Variants in AVEN observed in about 807,000 individuals in gnomAD.
AVEN encodes apoptosis and caspase activation inhibitor.
AVEN carries 41 observed loss-of-function variants against 38.1 expected under a neutral mutation model. That is an observed-to-expected ratio of 1.08 (90% CI 0.84 to 1.40). AVEN has a LOEUF of 1.40. AVEN is among the 40% of genes most tolerant of loss of function. The probability of loss-of-function intolerance (pLI) is 0.00; values close to 1 mark genes in which losing one functional copy is unlikely to be tolerated. For synonymous variants in AVEN, 206 were observed against 171.8 expected (o/e 1.20, Z -1.56); for missense variants, 605 against 438.8 (o/e 1.38, Z -3.38).
intron 2 of AVEN, among the ~76,000 whole-genome samples, chr15:33,886,315 T>G (rs996011367): frequency 2.6e-5 from 4 of 152,132 alleles, no homozygotes; most frequent in African/African-American, 4.8e-5. Flanking sequence ...GATGGTTTTT[T>G]GTTTTGAGAT....
At chr15:34,061,478 A>G (rs1303895394) in intron 5 of AVEN, among the ~76,000 whole-genome samples, 1 of 152,236 alleles carries the variant, frequency 6.6e-6, no homozygotes, top group Non-Finnish European at 1.5e-5. Flanking sequence ...GCACCCATTT[A>G]AAATAATTAT....
intron 2 of AVEN, among the ~76,000 whole-genome samples, chr15:33,988,774 G>T (rs191066963): frequency 6.6e-6 from 1 of 152,192 alleles, no homozygotes; most frequent in Non-Finnish European, 1.5e-5. Context: ...CTTGATAAAT[G>T]ACCTTGCTCT....
upstream of AVEN, among the ~76,000 whole-genome samples, chr15:34,041,612 A>G (rs1385756702): frequency 6.6e-6 from 1 of 152,220 alleles, no homozygotes; most frequent in Non-Finnish European, 1.5e-5. Flanking sequence ...AGACTCAGTA[A>G]CACTTTTGAA....
chr15:33,919,507 T>G (rs758357886), intron 2 of AVEN, among the ~76,000 whole-genome samples: 16 of 152,144 alleles, frequency 1.1e-4, no homozygotes, highest in Non-Finnish European at 1.8e-4. Flanking sequence ...AATCAGAATC[T>G]ACAAGGGTGA....
downstream of AVEN, chr15:33,865,084 T>C (rs1597150822): frequency 6.7e-7 from 1 of 1,494,496 alleles, no homozygotes; most frequent in African/African-American, 1.4e-5. Flanking sequence ...GGGTTTTAGC[T>C]TTTACTGTGG....
chr15:33,964,525 C>A (rs637055), intron 2 of AVEN, among the ~76,000 whole-genome samples: 122,377 of 152,078 alleles, frequency 0.8, 54,306 homozygotes, highest in Non-Finnish European at 0.97. Context: ...AAAATGCAAT[C>A]GTTTTACCCG....
chr15:33,935,558 T>C (rs187709812), intron 2 of AVEN, among the ~76,000 whole-genome samples: 12 of 152,230 alleles, frequency 7.9e-5, no homozygotes, highest in Admixed American at 7.8e-4. Context: ...ATATATGGCA[T>C]GATCCCACTT....
At chr15:34,056,938 T>C (rs1056684571) in intron 5 of AVEN, among the ~76,000 whole-genome samples, 2 of 151,634 alleles carry the variant, frequency 1.3e-5, no homozygotes, top group Non-Finnish European at 2.9e-5. Context: ...ACTCAGGAGG[T>C]TAAGGTGGGG....
chr15:33,994,948 A>C (rs1896873555), intron 2 of AVEN, among the ~76,000 whole-genome samples: 1 of 152,194 alleles, frequency 6.6e-6, no homozygotes, highest in Non-Finnish European at 1.5e-5. Flanking sequence ...ATAGATCAAA[A>C]ATATTTTTTA....
intron 2 of AVEN, among the ~76,000 whole-genome samples, chr15:33,899,694 T>C (rs549796813): frequency 1.3e-5 from 2 of 152,034 alleles, no homozygotes; most frequent in African/African-American, 4.8e-5. Context: ...TCTCAGTCTC[T>C]TGACCTCGTG....
chr15:33,870,858 C>T, intron 4 of AVEN, 77 bp downstream of exon 4: 3 of 1,018,466 alleles, frequency 2.9e-6, no homozygotes, highest in Non-Finnish European at 4.4e-6. Flanking sequence ...CTGAGACATC[C>T]TGCTGAGGGA....
chr15:34,030,344 T>C (rs921654163), intron 1 of AVEN, among the ~76,000 whole-genome samples: 1 of 151,496 alleles, frequency 6.6e-6, no homozygotes, highest in African/African-American at 2.4e-5. Flanking sequence ...TTTTGGGGGG[T>C]TTTTTGTTTT....
intron 11 of AVEN, chr15:33,860,493 T>C: frequency 1.5e-6 from 1 of 655,650 alleles, no homozygotes; most frequent in Non-Finnish European, 2.5e-6. Context: ...CTTTGATAAT[T>C]CACTTTTTTT....
At chr15:33,873,014 G>T (rs1018193524) in intron 3 of AVEN, among the ~76,000 whole-genome samples, 1 of 150,846 alleles carries the variant, frequency 6.6e-6, no homozygotes, top group Non-Finnish European at 1.5e-5. Context: ...GGATTCCCTT[G>T]AGGATTTTGG....
chr15:33,958,690 C>T (rs1232596787), intron 2 of AVEN, among the ~76,000 whole-genome samples: 1 of 152,090 alleles, frequency 6.6e-6, no homozygotes, highest in East Asian at 1.9e-4. Context: ...TGAAACATGC[C>T]TCTTCTTCAT....
At chr15:33,856,650 T>TTTTGTTTG (rs779920872), downstream of AVEN, 11 of 154,376 alleles carry the variant, frequency 7.1e-5, no homozygotes, top group African/African-American at 2.7e-4. Flanking sequence ...CCTTTGGGTT[T>TTTTGTTTG]TTTGTTTGTT....
At chr15:33,864,425 G>A (rs1250236664), downstream of AVEN, among the ~76,000 whole-genome samples, 1 of 151,190 alleles carries the variant, frequency 6.6e-6, no homozygotes. Flanking sequence ...AGAGCTGGAG[G>A]TGGGGAGAAC....
exon 5 of AVEN, chr15:34,062,930 C>A: frequency 6.2e-7 from 1 of 1,614,196 alleles, no homozygotes; most frequent in Non-Finnish European, 8.5e-7. Flanking sequence ...ACCTGCTCAG[C>A]TTAGCCTGTG....
chr15:34,052,449 C>T (rs1031032459), intron 5 of AVEN, among the ~76,000 whole-genome samples: 2 of 152,184 alleles, frequency 1.3e-5, no homozygotes, highest in Non-Finnish European at 2.9e-5. Flanking sequence ...GACAAGGGTA[C>T]TCTGTCTTAC....
Sources: gnomAD v4.1 joint callset for allele counts (sites outside exome capture counted in the v4.1 genomes callset) on GRCh38, gnomAD v4.1.1 for gene constraint, MANE v1.5 for transcripts, NCBI Gene and HGNC (gene_info 2026-07-23, HGNC 2026-07-21) for gene names.